Variants in PKHD1 observed in about 807,000 individuals in gnomAD.
The protein encoded by PKHD1 is PKHD1 ciliary IPT domain containing fibrocystin/polyductin, also known as fibrocystin.
A neutral mutation model predicts 412.0 loss-of-function variants in PKHD1; 291 were observed. The observed-to-expected ratio is 0.71, with a 90% CI of 0.64 to 0.78. PKHD1 has a LOEUF of 0.78. Among genes scored for constraint, PKHD1 ranks in the 30% least tolerant of loss-of-function variants. PKHD1 has a pLI of 0.00. For missense variants in PKHD1, 4,825 were observed against 4,950.7 expected, an observed-to-expected ratio of 0.97 and a Z score of 0.76; for synonymous variants, 1,777 against 1,821.5, an observed-to-expected ratio of 0.98 and a Z score of 0.62.
At chr6:51,976,342 C>T (rs909935544) in intron 35 of PKHD1, among the ~76,000 whole-genome samples, 2 of 152,144 alleles carry the variant, frequency 1.3e-5, no homozygotes, top group African/African-American at 2.4e-5. Context: ...AATGACACAG[C>T]ATGGATAAAT....
chr6:51,993,819 G>A (rs183024741), intron 35 of PKHD1, among the ~76,000 whole-genome samples: 3 of 152,308 alleles, frequency 2.0e-5, no homozygotes, highest in Admixed American at 2.0e-4. Context: ...AACTTCCTTG[G>A]ATGTATAAGA....
Position 52,062,629 on chromosome 6 carries a change from A to G in PKHD1, c.1008T>C (p.Asp336=), listed in dbSNP as rs2128219097. Residue 336 remains aspartate (D), a synonymous_variant, in exon 14 of 67, where the codon GAT becomes GAC. Transcript: ENST00000371117. Reference sequence around the variant, plus strand: ...CAGTCAGTTCCAGTCCCTCAACAGCATCTCCAACTTCAAAAAGAAGCCCTC... The same window carrying G: ...CAGTCAGTTCCAGTCCCTCAACAGCGTCTCCAACTTCAAAAAGAAGCCCTC... ...GNRGLLFEVG[D]AVEGLELTEA... is the part of the protein sequence containing the mutation. The G allele has an allele frequency of 1.2e-6, 2 of 1,614,142 alleles. No homozygotes were observed. Among genetic ancestry groups the G allele is most frequent in the Non-Finnish European group, 1.7e-6 (2 of 1,179,984 alleles).
In PKHD1 at chr6:51,726,723, GA is replaced by G. The variant is rs1247781438; in HGVS notation, c.10156+17661del. Among the ~76,000 whole-genome samples, 11 of 152,238 alleles carry G rather than the reference GA, an allele frequency of 7.2e-5. No homozygotes were observed. In the South Asian group the frequency reaches 2.3e-3, roughly 32 times the overall value. On this transcript the variant is annotated intron_variant, in intron 60 of 66. Coordinates refer to ENST00000371117, the MANE Select transcript of PKHD1 (RefSeq NM_138694.4). ...GTAAGTAAGGTCTAATTTCTTTCTT[GA>G]AAGAGAAAAAATCTTGCAGAGATGG...
chr6:51,696,729 G>C (rs958921312), intron 60 of PKHD1, among the ~76,000 whole-genome samples: 1 of 152,172 alleles, frequency 6.6e-6, no homozygotes, highest in Non-Finnish European at 1.5e-5. Context: ...CTAGAGAACT[G>C]TGCGTGGGAT....
chr6:52,078,623 G>A (rs1562297483), intron 5 of PKHD1, among the ~76,000 whole-genome samples: 1 of 152,206 alleles, frequency 6.6e-6, no homozygotes, highest in Non-Finnish European at 1.5e-5. Context: ...AACTTGCCAA[G>A]ATAGTTGAAC....
At chr6:52,011,448 GA>G (rs1214782241) in intron 34 of PKHD1, among the ~76,000 whole-genome samples, 1 of 152,214 alleles carries the variant, frequency 6.6e-6, no homozygotes, top group Non-Finnish European at 1.5e-5. Flanking sequence ...GAGATTCTCA[GA>G]AAGTCAAACA....
At chr6:51,675,652 C>T (rs1306476210) in intron 60 of PKHD1, among the ~76,000 whole-genome samples, 3 of 152,078 alleles carry the variant, frequency 2.0e-5, no homozygotes, top group African/African-American at 7.2e-5. Flanking sequence ...AAAGCGAGAT[C>T]TGGCCACAGC....
chr6:51,998,876 C>T (rs1354353933), intron 35 of PKHD1, among the ~76,000 whole-genome samples: 1 of 152,062 alleles, frequency 6.6e-6, no homozygotes, highest in Non-Finnish European at 1.5e-5. Flanking sequence ...TTTATGTTGG[C>T]TCCATGGAGA....
At chr6:52,028,755 G>C (rs1802600168) in intron 29 of PKHD1, among the ~76,000 whole-genome samples, 1 of 152,144 alleles carries the variant, frequency 6.6e-6, no homozygotes, top group Non-Finnish European at 1.5e-5. Flanking sequence ...CAACCAATCT[G>C]CCTGCCTTGG....
intron 33 of PKHD1, among the ~76,000 whole-genome samples, chr6:52,021,435 T>G (rs1367262949): frequency 6.6e-6 from 1 of 152,180 alleles, no homozygotes; most frequent in Non-Finnish European, 1.5e-5. Context: ...TATGAAAGCT[T>G]TTTTAAAAAA....
At chr6:52,009,921 C>CA in intron 35 of PKHD1, among the ~76,000 whole-genome samples, 1 of 152,008 alleles carries the variant, frequency 6.6e-6, no homozygotes, top group South Asian at 2.1e-4. Context: ...ATTGCTGTCC[C>CA]GCCAAGCTGA....
chr6:51,730,813 G>A (rs901752433), intron 60 of PKHD1, among the ~76,000 whole-genome samples: 1 of 152,150 alleles, frequency 6.6e-6, no homozygotes, highest in Non-Finnish European at 1.5e-5. Flanking sequence ...GTGCATATAT[G>A]CATACACATG....
chr6:51,786,354 C>A (rs946793678), intron 53 of PKHD1, among the ~76,000 whole-genome samples: 1 of 152,198 alleles, frequency 6.6e-6, no homozygotes, highest in African/African-American at 2.4e-5. Flanking sequence ...CGATTTCTTT[C>A]CTGAAACATC....
At position 51,651,422 on chromosome 6, in the gene PKHD1, T is replaced by A. The variant is rs985629001; in HGVS notation, c.11175-2202A>T. On this transcript the variant is annotated intron_variant, in intron 61 of 66. Transcript: ENST00000371117. ...ATTAAATGCAGGGTCCTGTTAATGA[T>A]GCCATCGAAGTGAAATTGTTTAATC... Among the ~76,000 whole-genome samples the A allele has an allele frequency of 2.6e-5, 4 of 152,190 alleles. No homozygotes were observed. The South Asian group carries it at 6.2e-4, about 24-fold the overall frequency.
intron 37 of PKHD1, among the ~76,000 whole-genome samples, chr6:51,928,603 C>G (rs1361943788): frequency 1.3e-5 from 2 of 150,538 alleles, no homozygotes; most frequent in Admixed American, 1.3e-4. Flanking sequence ...CATGTATAGT[C>G]CTTAGTCTGC....
chr6:51,883,470 G>T (rs1263898420), intron 45 of PKHD1, among the ~76,000 whole-genome samples: 2 of 152,064 alleles, frequency 1.3e-5, no homozygotes, highest in African/African-American at 2.4e-5. Flanking sequence ...ACATTAAAAA[G>T]ATCAATATGA....
intron 64 of PKHD1, among the ~76,000 whole-genome samples, chr6:51,638,613 A>T (rs970592133): frequency 6.6e-6 from 1 of 152,180 alleles, no homozygotes; most frequent in Non-Finnish European, 1.5e-5. Context: ...GTAAACGTCA[A>T]TGTTGAGAAG....
In PKHD1 at chr6:52,044,958, AC is replaced by A. The variant is rs551015414; in HGVS notation, c.2715+7del. The A allele has an allele frequency of 5.4e-4, 868 of 1,613,318 alleles. 2 individuals are homozygous for A. The African/African-American group carries it at 9.6e-3, about 18-fold the overall frequency. On this transcript the variant is annotated splice_region_variant and intron_variant, in intron 25 of 66. Transcript: ENST00000371117. ...AGCTTGCACTTAGGGTGGCCCATTC[AC>A]TCTCACCTGAGTATGCTGGTTGGCA...
At chr6:51,827,991 C>T (rs1002308068) in intron 52 of PKHD1, among the ~76,000 whole-genome samples, 1 of 152,048 alleles carries the variant, frequency 6.6e-6, no homozygotes, top group African/African-American at 2.4e-5. Context: ...TTTTTCCAAG[C>T]ATGTGTGATA....
Sources: allele counts gnomAD v4.1 joint callset (sites outside exome capture counted in the v4.1 genomes callset), GRCh38; gene constraint gnomAD v4.1.1; transcripts MANE v1.5; gene names NCBI Gene and HGNC (gene_info 2026-07-23, HGNC 2026-07-21).